Variants in HACD4 observed in about 807,000 individuals in gnomAD.
HACD4 encodes very-long-chain (3R)-3-hydroxyacyl-CoA dehydratase 4.
HACD4 carries 35 observed loss-of-function variants against 33.3 expected under a neutral mutation model. The observed-to-expected ratio is 1.05, with a 90% CI of 0.80 to 1.39. The LOEUF (loss-of-function observed/expected upper bound fraction) is 1.39. Among genes scored for constraint, HACD4 ranks in the 40% most tolerant of loss-of-function variants. HACD4 has a pLI of 0.00. For synonymous variants in HACD4, 118 were observed against 98.0 expected, an observed-to-expected ratio of 1.20 and a Z score of -1.21; for missense variants, 323 against 276.5, an observed-to-expected ratio of 1.17 and a Z score of -1.19.
intron 3 of HACD4, among the ~76,000 whole-genome samples, chr9:21,018,667 A>T (rs961493965): frequency 1.3e-5 from 2 of 152,192 alleles, no homozygotes; most frequent in Non-Finnish European, 2.9e-5. Flanking sequence ...AAATATGACA[A>T]ATTACTAGAG....
chr9:21,030,483 C>A (rs559063253), intron 1 of HACD4, among the ~76,000 whole-genome samples: 45 of 152,130 alleles, frequency 3.0e-4, no homozygotes, highest in Admixed American at 2.4e-3. Flanking sequence ...ACAACAACAA[C>A]AAAAAATCCA....
intron 5 of HACD4, among the ~76,000 whole-genome samples, chr9:21,010,211 C>G (rs2132769774): frequency 6.6e-6 from 1 of 152,284 alleles, no homozygotes; most frequent in East Asian, 1.9e-4. Context: ...AAACTTTAAT[C>G]ATGTCTTACA....
At chr9:21,011,836 G>GT (rs967388735) in intron 4 of HACD4, 141 bp from the exon 5 acceptor site, 73 of 547,974 alleles carry the variant, frequency 1.3e-4, no homozygotes, top group Middle Eastern at 4.7e-4. Context: ...TTAAGGAAGA[G>GT]TTTTTTTTAA....
At chr9:21,014,690 G>A (rs148216997) in intron 4 of HACD4, among the ~76,000 whole-genome samples, 1 of 152,112 alleles carries the variant, frequency 6.6e-6, no homozygotes, top group African/African-American at 2.4e-5. Flanking sequence ...TTTTAAAAGG[G>A]TGAATTTTAT....
intron 3 of HACD4, among the ~76,000 whole-genome samples, chr9:21,019,926 G>C (rs1351317332): frequency 6.6e-6 from 1 of 152,002 alleles, no homozygotes; most frequent in Non-Finnish European, 1.5e-5. Flanking sequence ...ATAAATTAGG[G>C]TAAAATCTGG....
intron 2 of HACD4, among the ~76,000 whole-genome samples, chr9:21,028,169 A>T (rs1587841920): frequency 6.6e-6 from 1 of 151,772 alleles, no homozygotes; most frequent in African/African-American, 2.4e-5. Flanking sequence ...GAAAAGAAAA[A>T]AAAAGAAAGA....
Position 21,016,097 on chromosome 9 carries a change from C to A in HACD4, c.271-87G>T, listed in dbSNP as rs1246445563. The A allele has an allele frequency of 5.0e-6, 4 of 806,980 alleles. No individual in the cohort carries two copies. The Admixed American group carries it at 8.6e-5, about 17-fold the overall frequency. The allele number at this position is 806,980 out of a possible 1,614,324, so 50.0% of individuals were successfully genotyped here. ...TAATTTTGAAAACCAGATCTCCTTT[C>A]AAAAGTATACTTTAGCTGGAAATAT... On this transcript the variant is annotated intron_variant, in intron 3 of 6. Transcript: ENST00000495827.
rs1434590069 is a variant in HACD4, at chr9:21,006,496, G to A, written c.*541C>T. ...TTATAGCAACCTGAGCTAAGACATA[G>A]GGCTTGGAAAGATATTTAATTTTCT... On this transcript the variant is annotated 3_prime_UTR_variant, in exon 7 of 7. Coordinates refer to ENST00000495827, the MANE Select transcript of HACD4 (RefSeq NM_001010915.5). The surrounding 1 kb of genome is among the most constrained non-coding windows in gnomAD (Gnocchi z 4.6). 1 of 162,276 alleles carries A rather than the reference G, an allele frequency of 6.2e-6. No homozygotes were observed. Among genetic ancestry groups the A allele is most frequent in the Non-Finnish European group, 1.3e-5 (1 of 75,740 alleles). The allele number at this position is 162,276 out of a possible 1,614,324, so 10.1% of individuals were successfully genotyped here. A position where few individuals can be genotyped will look rare whatever the true frequency, so the allele number is the denominator to read the frequency against.
rs894077712 is a variant in HACD4 at position 21,031,624 on chromosome 9, AG to A, written c.-35del. On this transcript the variant is annotated 5_prime_UTR_variant, in exon 1 of 7. Transcript: ENST00000495827. ...GCCGCCAGGGCTTCCAGCGCGGTCC[AG>A]GAAGGAGTACCGGGGAGGAGGCAGG... 8 of 1,379,482 alleles carry A rather than the reference AG, an allele frequency of 5.8e-6. No individual in the cohort carries two copies. The highest frequency in any genetic ancestry group is 7.1e-5 in the Admixed American group (2 of 28,330). 85.5% of individuals were successfully genotyped at this position (1,379,482 alleles called of 1,614,324 possible).
intron 3 of HACD4, among the ~76,000 whole-genome samples, chr9:21,025,013 AC>A (rs1454649840): frequency 6.6e-6 from 1 of 152,152 alleles, no homozygotes; most frequent in East Asian, 1.9e-4. Context: ...TAAGTAATAA[AC>A]ACCAATAAAT....
chr9:21,020,852 A>G (rs544773363), intron 3 of HACD4, among the ~76,000 whole-genome samples: 11 of 152,362 alleles, frequency 7.2e-5, no homozygotes, highest in Admixed American at 2.0e-4. Context: ...AATAAAATAT[A>G]TGTCAGTCAA....
chr9:21,011,388 G>C (rs939136345), intron 5 of HACD4, among the ~76,000 whole-genome samples: 9 of 152,196 alleles, frequency 5.9e-5, no homozygotes, highest in Non-Finnish European at 1.0e-4. Flanking sequence ...GTTGCTTTTT[G>C]TCCAGTATTT....
chr9:21,020,339 T>G (rs1326043624), intron 3 of HACD4, among the ~76,000 whole-genome samples: 1 of 152,156 alleles, frequency 6.6e-6, no homozygotes, highest in Non-Finnish European at 1.5e-5. Flanking sequence ...TATTAAGGGT[T>G]TCCTATAGGG....
rs561127335 is a variant in HACD4 at position 21,005,835 on chromosome 9, C to T, written c.*1202G>A. 1 of 152,474 alleles carries T rather than the reference C, an allele frequency of 6.6e-6. No homozygotes were observed. The highest frequency in any genetic ancestry group is 2.1e-4 in the South Asian group (1 of 4,830). The allele number at this position is 152,474 out of a possible 1,614,324, so 9.4% of individuals were successfully genotyped here. On this transcript the variant is annotated 3_prime_UTR_variant, in exon 7 of 7. Coordinates refer to ENST00000495827, the MANE Select transcript of HACD4 (RefSeq NM_001010915.5). This position sits in a 1 kb window ranked among gnomAD's most constrained non-coding sequence, Gnocchi z 4.0. ...TTTGCCTTGCTAGGTTTTGGACTTG[C>T]TGGGGACCCATTACACCTTCCTTTT...
chr9:21,014,995 T>A (rs1276716892), intron 4 of HACD4: 2 of 152,142 alleles, frequency 1.3e-5, no homozygotes, highest in Non-Finnish European at 2.9e-5. Context: ...GAACAGAAGT[T>A]ATGGGCTACA....
chr9:21,011,821 ATAATT>A (rs1474748384), intron 4 of HACD4, 126 bp from the exon 5 acceptor site: 2 of 581,196 alleles, frequency 3.4e-6, no homozygotes, highest in Admixed American at 3.4e-5. Context: ...TTTATTTCCT[ATAATT>A]TAAGGAAGAG....
chr9:21,018,099 T>C (rs1011615029), intron 3 of HACD4, among the ~76,000 whole-genome samples: 1 of 152,188 alleles, frequency 6.6e-6, no homozygotes, highest in African/African-American at 2.4e-5. Flanking sequence ...TCAATCTAAT[T>C]CGTTAACAAA....
intron 3 of HACD4, among the ~76,000 whole-genome samples, chr9:21,021,836 A>G (rs868609937): frequency 2.6e-5 from 4 of 152,232 alleles, no homozygotes; most frequent in South Asian, 4.1e-4. Context: ...TGCCATCCCC[A>G]TCAAGCTACC....
chr9:21,017,275 A>G (rs939021272), intron 3 of HACD4, among the ~76,000 whole-genome samples: 5 of 152,154 alleles, frequency 3.3e-5, no homozygotes, highest in African/African-American at 1.2e-4. Context: ...CCACGTGTAT[A>G]AGCTATATCA....
Sources: gnomAD v4.1 joint callset for allele counts (sites outside exome capture counted in the v4.1 genomes callset) on GRCh38, gnomAD v4.1.1 for gene constraint, Gnocchi (gnomAD v3.1) non-coding constraint, MANE v1.5 for transcripts, NCBI Gene and HGNC (gene_info 2026-07-23, HGNC 2026-07-21) for gene names.